Variants in FAM135B observed in about 807,000 individuals in gnomAD.
The protein encoded by FAM135B is protein FAM135B.
FAM135B carries 43 observed loss-of-function variants against 127.7 expected under a neutral mutation model. That is an observed-to-expected ratio of 0.34 (90% CI 0.26 to 0.43). FAM135B has a LOEUF of 0.43. FAM135B is among the 20% of genes least tolerant of loss of function. The probability of loss-of-function intolerance (pLI) is 1.00; values close to 1 mark genes in which losing one functional copy is unlikely to be tolerated. For synonymous variants in FAM135B, 670 were observed against 665.1 expected, an observed-to-expected ratio of 1.01 and a Z score of -0.11; for missense variants, 1,558 against 1,725.6, an observed-to-expected ratio of 0.90 and a Z score of 1.72.
At position 138,153,059 on chromosome 8, in the gene FAM135B, A is replaced by G. The variant is rs2130790079; in HGVS notation, c.1416T>C (p.Ser472=). The change falls in exon 13 of 20, where the codon TCT becomes TCC. Residue 472 remains serine (S), a synonymous_variant. Coordinates refer to ENST00000395297, the MANE Select transcript of FAM135B (RefSeq NM_015912.4). ...CTGGACACCTTATAACTTCTTCATC[A>G]GAATCCATTTGGGATGGTTTTATGG... ...LSTIKPSQMD[S]DEEVIRCPEP... 6.2e-7 allele frequency: 1 copy of G among 1,614,210 alleles called. No individual in the cohort carries two copies.
intron 1 of FAM135B, among the ~76,000 whole-genome samples, chr8:138,473,387 C>T (rs1276739260): frequency 6.6e-6 from 1 of 152,112 alleles, no homozygotes; most frequent in Non-Finnish European, 1.5e-5. Context: ...GAATGCTTTA[C>T]ACAACCCTCC....
chr8:138,451,465 A>G (rs1836476964), intron 1 of FAM135B, among the ~76,000 whole-genome samples: 1 of 152,240 alleles, frequency 6.6e-6, no homozygotes, highest in African/African-American at 2.4e-5. Flanking sequence ...AAAGGAAACA[A>G]CAGTAGCTAT....
rs1176556253 is a variant in FAM135B, at chr8:138,131,669, T to G, written c.*924A>C. On this transcript the variant is annotated 3_prime_UTR_variant, in exon 20 of 20. Transcript: ENST00000395297. Reference sequence around the variant, plus strand: ...TGGAGAGGAGAAGCAGCTGGCCACTTTAATGGATTTAATTTTTTGCAATTG... The same window carrying G: ...TGGAGAGGAGAAGCAGCTGGCCACTGTAATGGATTTAATTTTTTGCAATTG... The G allele has an allele frequency of 2.0e-5, 3 of 152,602 alleles. No individual in the cohort carries two copies. The highest frequency in any genetic ancestry group is 7.2e-5 in the African/African-American group (3 of 41,432). The allele number at this position is 152,602 out of a possible 1,614,324, so 9.5% of individuals were successfully genotyped here. A position where few individuals can be genotyped will look rare whatever the true frequency, so the allele number is the denominator to read the frequency against.
At chr8:138,138,852 G>A (rs1816882989) in intron 18 of FAM135B, 134 bp downstream of exon 18, 1 of 615,168 alleles carries the variant, frequency 1.6e-6, no homozygotes, top group Non-Finnish European at 2.9e-6. Context: ...ATGAGCCAAA[G>A]AGGCTTTGAG....
intron 5 of FAM135B, among the ~76,000 whole-genome samples, chr8:138,253,360 G>T (rs1391016524): frequency 6.6e-6 from 1 of 152,112 alleles, no homozygotes; most frequent in Non-Finnish European, 1.5e-5. Flanking sequence ...GATAAAGCAG[G>T]GTTTCCTCAC....
chr8:138,178,833 A>G (rs1814731832), intron 9 of FAM135B, 143 bp from the exon 10 acceptor site: 2 of 643,798 alleles, frequency 3.1e-6, no homozygotes, highest in Non-Finnish European at 5.3e-6. Context: ...ATATATTACA[A>G]CTCATAGTAC....
intron 7 of FAM135B, among the ~76,000 whole-genome samples, chr8:138,226,184 T>TGTGTGTGTGCACGCGCGCGC: frequency 1.9e-4 from 26 of 139,202 alleles, no homozygotes; most frequent in African/African-American, 7.0e-4. Context: ...TGTGTGTGTG[T>TGTGTGTGTGCACGCGCGCGC]GCGCGCATGT....
chr8:138,204,793 C>G (rs1171376364), intron 7 of FAM135B, among the ~76,000 whole-genome samples: 1 of 152,146 alleles, frequency 6.6e-6, no homozygotes. Flanking sequence ...ACACTGATAA[C>G]TTTTCAACAT....
intron 1 of FAM135B, among the ~76,000 whole-genome samples, chr8:138,405,384 C>G (rs1229504854): frequency 7.6e-6 from 1 of 131,348 alleles, no homozygotes; most frequent in Non-Finnish European, 1.6e-5. Flanking sequence ...CCACAACAGT[C>G]CCCAGAGTGT....
At chr8:138,474,736 TTC>T in intron 1 of FAM135B, among the ~76,000 whole-genome samples, 1 of 152,282 alleles carries the variant, frequency 6.6e-6, no homozygotes, top group Middle Eastern at 3.4e-3. Flanking sequence ...GCATTTTACT[TTC>T]TGTTATATTT....
At chr8:138,402,539 T>C (rs537694327) in intron 1 of FAM135B, among the ~76,000 whole-genome samples, 2 of 152,278 alleles carry the variant, frequency 1.3e-5, no homozygotes, top group South Asian at 4.1e-4. Flanking sequence ...AGACCTTGCA[T>C]TCAGTGATTC....
rs1820729724 is a variant in FAM135B, at chr8:138,241,080, T to G, written c.669+1862A>C. Among the ~76,000 whole-genome samples, 1 of 152,084 alleles carries G rather than the reference T, an allele frequency of 6.6e-6. No homozygotes were observed. Among genetic ancestry groups the G allele is most frequent in the South Asian group, 2.1e-4 (1 of 4,824 alleles). ...ACGTGGGGGCTGAAGGAAGGAAGAC[T>G]GGACATAGGGAGAAGCTGAACTGTG... On this transcript the variant is annotated intron_variant, in intron 7 of 19. Coordinates refer to ENST00000395297, the MANE Select transcript of FAM135B (RefSeq NM_015912.4). The surrounding 1 kb of genome is among the most constrained non-coding windows in gnomAD (Gnocchi z 4.8).
At chr8:138,372,548 CATT>C (rs1831200917) in intron 1 of FAM135B, among the ~76,000 whole-genome samples, 1 of 152,130 alleles carries the variant, frequency 6.6e-6, no homozygotes, top group Admixed American at 6.5e-5. Context: ...ACCTTGGAGT[CATT>C]ATTATCTTCC....
chr8:138,260,682 C>G (rs1326318635), intron 4 of FAM135B, among the ~76,000 whole-genome samples: 2 of 152,148 alleles, frequency 1.3e-5, no homozygotes, highest in African/African-American at 4.8e-5. Flanking sequence ...AGGCAGCTCA[C>G]CCTTTCCACT....
At chr8:138,483,756 C>T (rs1299190619) in intron 1 of FAM135B, among the ~76,000 whole-genome samples, 1 of 152,148 alleles carries the variant, frequency 6.6e-6, no homozygotes, top group Admixed American at 6.5e-5. Context: ...TGCAGTGACC[C>T]TATGCAAGCC....
chr8:138,452,220 C>T (rs935753810), intron 1 of FAM135B, among the ~76,000 whole-genome samples: 2 of 150,240 alleles, frequency 1.3e-5, no homozygotes, highest in East Asian at 3.9e-4. Flanking sequence ...ACCTCCACCT[C>T]CCAGACTCAA....
At chr8:138,290,353 T>A (rs916866744) in intron 3 of FAM135B, among the ~76,000 whole-genome samples, 1 of 152,218 alleles carries the variant, frequency 6.6e-6, no homozygotes, top group African/African-American at 2.4e-5. Flanking sequence ...ATCCATGCCT[T>A]AGCCATGTCA....
chr8:138,401,829 C>A (rs1833170786), intron 1 of FAM135B, among the ~76,000 whole-genome samples: 1 of 152,134 alleles, frequency 6.6e-6, no homozygotes, highest in Non-Finnish European at 1.5e-5. Context: ...CCAAACTCAC[C>A]CCATCATTTC....
intron 1 of FAM135B, among the ~76,000 whole-genome samples, chr8:138,386,074 G>GT (rs1462450580): frequency 2.6e-5 from 4 of 151,874 alleles, no homozygotes; most frequent in Non-Finnish European, 5.9e-5. Flanking sequence ...AAAGTAGCTG[G>GT]GCGTGGTGGT....
Sources: allele counts gnomAD v4.1 joint callset (sites outside exome capture counted in the v4.1 genomes callset), GRCh38; gene constraint gnomAD v4.1.1; non-coding constraint Gnocchi (gnomAD v3.1); transcripts MANE v1.5; gene names NCBI Gene and HGNC (gene_info 2026-07-23, HGNC 2026-07-21).